CCDC85A: variants seen among roughly 807,000 people sequenced by gnomAD.
CCDC85A encodes the protein coiled-coil domain-containing protein 85A.
CCDC85A carries 38 observed loss-of-function variants against 50.2 expected under a neutral mutation model. The ratio of observed to expected loss-of-function variants is 0.76; its 90% confidence interval spans 0.58 to 0.99. CCDC85A has a LOEUF of 0.99. Ranked by LOEUF, CCDC85A falls within the 50% of genes least tolerant of loss-of-function variation. The probability of loss-of-function intolerance (pLI) is 0.00; values close to 1 mark genes in which losing one functional copy is unlikely to be tolerated. For missense variants in CCDC85A, 820 were observed against 742.0 expected (o/e 1.11, Z -1.22); for synonymous variants, 366 against 301.4 (o/e 1.21, Z -2.22).
intron 2 of CCDC85A, among the ~76,000 whole-genome samples, chr2:56,239,539 C>T (rs911428577): frequency 6.6e-6 from 1 of 151,934 alleles, no homozygotes; most frequent in Non-Finnish European, 1.5e-5. Context: ...TGTAAAACAG[C>T]TCTGTCCTAC....
Position 56,193,311 on chromosome 2 carries a change from G to C in CCDC85A, c.1111G>C (p.Asp371His). ...CAAACAACATTATGGAGGGAGCCCT[G>C]ATCACAAACACGGAGGAGGCAGTGG... The part of the protein sequence containing the change: ...HLKQHYGGSP[D>H]HKHGGGSGGS... Residue 371 changes from aspartate (D) to histidine (H), a missense_variant, in exon 2 of 6, where the codon GAT becomes CAT. Transcript: ENST00000407595. 1.2e-6 allele frequency: 2 copies of C among 1,613,602 alleles called. No individual in the cohort carries two copies. The highest frequency in any genetic ancestry group is 8.5e-7 in the Non-Finnish European group (1 of 1,179,686).
intron 2 of CCDC85A, among the ~76,000 whole-genome samples, chr2:56,290,318 G>C (rs1671645200): frequency 6.6e-6 from 1 of 151,798 alleles, no homozygotes. Context: ...TTTTCAGTCT[G>C]CTTTTTTTTT....
chr2:56,216,560 T>C (rs1384937321), intron 2 of CCDC85A, among the ~76,000 whole-genome samples: 1 of 151,882 alleles, frequency 6.6e-6, no homozygotes, highest in Non-Finnish European at 1.5e-5. Flanking sequence ...TCTATGTTTG[T>C]TGTCTTTTTT....
At chr2:56,311,884 CA>C (rs927192097) in intron 2 of CCDC85A, among the ~76,000 whole-genome samples, 2 of 152,088 alleles carry the variant, frequency 1.3e-5, no homozygotes, top group Non-Finnish European at 2.9e-5. Flanking sequence ...GCAGGAGTTA[CA>C]TCCCAGCACA....
At chr2:56,318,659 T>C (rs1009454631) in intron 2 of CCDC85A, among the ~76,000 whole-genome samples, 19 of 152,138 alleles carry the variant, frequency 1.2e-4, no homozygotes, top group African/African-American at 4.6e-4. Context: ...ACAGCTAGAG[T>C]GTAATTAGTC....
intron 2 of CCDC85A, among the ~76,000 whole-genome samples, chr2:56,342,310 TAAG>T (rs1421169162): frequency 1.3e-5 from 2 of 152,186 alleles, no homozygotes; most frequent in Non-Finnish European, 2.9e-5. Context: ...TGTTCCATCT[TAAG>T]AGGATCAAAC....
intron 2 of CCDC85A, among the ~76,000 whole-genome samples, chr2:56,329,819 A>G (rs1260640748): frequency 6.6e-6 from 1 of 152,134 alleles, no homozygotes; most frequent in Non-Finnish European, 1.5e-5. Flanking sequence ...TATAACTAAA[A>G]AGCCAACCAT....
chr2:56,220,647 T>C (rs200864235), intron 2 of CCDC85A, among the ~76,000 whole-genome samples: 1 of 152,048 alleles, frequency 6.6e-6, no homozygotes, highest in Non-Finnish European at 1.5e-5. Context: ...ACTTCATTAT[T>C]TCTTCTCAGT....
At chr2:56,317,404 ATCT>A (rs1419844988) in intron 2 of CCDC85A, among the ~76,000 whole-genome samples, 3 of 152,066 alleles carry the variant, frequency 2.0e-5, no homozygotes, top group Non-Finnish European at 4.4e-5. Context: ...TTTCTCTGAG[ATCT>A]TCTCTCCAAA....
chr2:56,307,747 G>A (rs566478482), intron 2 of CCDC85A, among the ~76,000 whole-genome samples: 4 of 152,064 alleles, frequency 2.6e-5, no homozygotes, highest in Admixed American at 6.6e-5. Context: ...GGATTAAAAC[G>A]CATGTCTCCA....
chr2:56,184,092 C>A lies in CCDC85A; in HGVS notation c.-533C>A. ...GAGGAGCGCAGCAGCCTTCGGGCAG[C>A]CGCGGCGGCGTCGCTAGAGCAGCCG... is the stretch of plus-strand genomic sequence containing the variant. On this transcript the variant is annotated 5_prime_UTR_variant, in exon 1 of 6. Transcript: ENST00000407595. 1 of 985,480 alleles carries A rather than the reference C, an allele frequency of 1.0e-6. No individual in the cohort carries two copies. Among genetic ancestry groups the A allele is most frequent in the East Asian group, 1.1e-4 (1 of 8,740 alleles). The allele number at this position is 985,480 out of a possible 1,614,324, so 61.0% of individuals were successfully genotyped here.
At chr2:56,223,175 A>G (rs1181839199) in intron 2 of CCDC85A, among the ~76,000 whole-genome samples, 1 of 152,156 alleles carries the variant, frequency 6.6e-6, no homozygotes, top group East Asian at 1.9e-4. Flanking sequence ...CTTTGAAGAG[A>G]AGAGTTTTCA....
intron 3 of CCDC85A, among the ~76,000 whole-genome samples, chr2:56,369,973 G>C (rs2216334): frequency 6.6e-6 from 1 of 152,082 alleles, no homozygotes; most frequent in Non-Finnish European, 1.5e-5. Context: ...TATGATTTCT[G>C]TGAGTACTTA....
intron 2 of CCDC85A, 135 bp from the exon 3 acceptor site, chr2:56,342,744 A>T (rs1402376900): frequency 2.6e-5 from 13 of 508,720 alleles, no homozygotes; most frequent in Admixed American, 3.7e-5. Flanking sequence ...TTTCTGGGAG[A>T]TATTTTTTTT....
At chr2:56,225,527 T>G (rs1192179619) in intron 2 of CCDC85A, among the ~76,000 whole-genome samples, 1 of 152,196 alleles carries the variant, frequency 6.6e-6, no homozygotes, top group East Asian at 1.9e-4. Context: ...CAGAGTGTCT[T>G]TATTACTGTA....
Position 56,275,452 on chromosome 2 carries a change from TACACCAGCTATTTAACATCATATAG to T in CCDC85A, c.1241-67424_1241-67400del, listed in dbSNP as rs890945071. On this transcript the variant is annotated intron_variant, in intron 2 of 5. Coordinates refer to ENST00000407595, the MANE Select transcript of CCDC85A (RefSeq NM_001080433.2). ...TAGGTGCCATTTAAAGAGAATCAGT[TACACCAGCTATTTAACATCATATAG>T]ACCTTACACCAGCTATTTAACATCA... Among the ~76,000 whole-genome samples, 18 of 66,650 alleles carry T rather than the reference TACACCAGCTATTTAACATCATATAG, an allele frequency of 2.7e-4. No homozygotes were observed. In the South Asian group the frequency reaches 7.6e-3, roughly 28 times the overall value. 43.7% of individuals were successfully genotyped at this position (66,650 alleles called of 152,430 possible).
intron 2 of CCDC85A, among the ~76,000 whole-genome samples, chr2:56,228,208 G>C (rs1035910871): frequency 6.6e-6 from 1 of 152,100 alleles, no homozygotes; most frequent in African/African-American, 2.4e-5. Context: ...ACTTCACTGT[G>C]CCCTAATTTC....
intron 3 of CCDC85A, among the ~76,000 whole-genome samples, chr2:56,370,329 A>C (rs1676008479): frequency 6.6e-6 from 1 of 152,142 alleles, no homozygotes; most frequent in African/African-American, 2.4e-5. Context: ...ATTAGTGTAT[A>C]AATACCATTT....
At chr2:56,312,514 A>C (rs1206866866) in intron 2 of CCDC85A, among the ~76,000 whole-genome samples, 2 of 152,148 alleles carry the variant, frequency 1.3e-5, no homozygotes, top group Admixed American at 1.3e-4. Context: ...CCCATAATAC[A>C]GGTTTTGAAG....
Sources: gnomAD v4.1 joint callset for allele counts (sites outside exome capture counted in the v4.1 genomes callset) on GRCh38, gnomAD v4.1.1 for gene constraint, MANE v1.5 for transcripts, NCBI Gene and HGNC (gene_info 2026-07-23, HGNC 2026-07-21) for gene names.